ROBO1: variants seen among roughly 807,000 people sequenced by gnomAD.
ROBO1 encodes roundabout guidance receptor 1.
Under a neutral mutation model 195.9 loss-of-function variants are expected in ROBO1, and 149 were observed. The observed-to-expected ratio is 0.76, with a 90% CI of 0.67 to 0.87. The LOEUF (loss-of-function observed/expected upper bound fraction) is 0.87, where lower values mean the gene tolerates loss of function less well. ROBO1 is among the 40% of genes least tolerant of loss of function. ROBO1 has a pLI of 0.00. For synonymous variants in ROBO1, 816 were observed against 733.2 expected, an observed-to-expected ratio of 1.11 and a Z score of -1.82; for missense variants, 1,933 against 2,068.3, an observed-to-expected ratio of 0.93 and a Z score of 1.27.
At chr3:79,333,908 C>T (rs535944597) in intron 2 of ROBO1, among the ~76,000 whole-genome samples, 2 of 152,302 alleles carry the variant, frequency 1.3e-5, no homozygotes, top group East Asian at 1.9e-4. Flanking sequence ...GGCTGCCTAA[C>T]ACATGATAAA....
At chr3:78,960,256 A>G (rs2041267267) in intron 3 of ROBO1, among the ~76,000 whole-genome samples, 1 of 151,834 alleles carries the variant, frequency 6.6e-6, no homozygotes, top group Non-Finnish European at 1.5e-5. Flanking sequence ...AAAAATGAAT[A>G]TCTGCAAATA....
chr3:78,833,920 A>G (rs1463825041), intron 4 of ROBO1, among the ~76,000 whole-genome samples: 2 of 152,176 alleles, frequency 1.3e-5, no homozygotes, highest in African/African-American at 4.8e-5. Context: ...AACAATAACA[A>G]AACAATGGGC....
At chr3:79,088,104 A>T (rs2079407383) in intron 3 of ROBO1, among the ~76,000 whole-genome samples, 1 of 152,122 alleles carries the variant, frequency 6.6e-6, no homozygotes, top group Non-Finnish European at 1.5e-5. Flanking sequence ...TCAATTTCAC[A>T]GTAAATTTGA....
intron 4 of ROBO1, among the ~76,000 whole-genome samples, chr3:78,800,515 A>G (rs532634683): frequency 6.6e-6 from 1 of 152,138 alleles, no homozygotes; most frequent in African/African-American, 2.4e-5. Flanking sequence ...TACTATCCAC[A>G]GTTGTGAAGA....
At chr3:78,905,029 T>A (rs1277380280) in intron 4 of ROBO1, among the ~76,000 whole-genome samples, 2 of 50,760 alleles carry the variant, frequency 3.9e-5, no homozygotes, top group Non-Finnish European at 7.2e-5. Context: ...ATATTTATTA[T>A]GGGGTCTTAT....
chr3:79,408,024 G>A (rs942498297), intron 2 of ROBO1, among the ~76,000 whole-genome samples: 2 of 151,744 alleles, frequency 1.3e-5, no homozygotes, highest in Non-Finnish European at 1.5e-5. Flanking sequence ...TTTTTAATTC[G>A]ATTAAATGTC....
At chr3:79,664,016 T>C (rs1946402803) in intron 1 of ROBO1, among the ~76,000 whole-genome samples, 2 of 151,880 alleles carry the variant, frequency 1.3e-5, no homozygotes, top group African/African-American at 4.8e-5. Flanking sequence ...AAACTTTTAA[T>C]ATACAATTCT....
chr3:79,582,616 T>A (rs1177888938), intron 2 of ROBO1, among the ~76,000 whole-genome samples: 2 of 152,060 alleles, frequency 1.3e-5, no homozygotes, highest in East Asian at 3.9e-4. Flanking sequence ...ACCACTTTTC[T>A]ACTTGAATCA....
chr3:79,708,999 C>T (rs1336319363), intron 1 of ROBO1, among the ~76,000 whole-genome samples: 1 of 151,512 alleles, frequency 6.6e-6, no homozygotes, highest in Non-Finnish European at 1.5e-5. Flanking sequence ...AATTCAATTA[C>T]CAAAAGGGAA....
chr3:79,617,923 A>T (rs1201913046), intron 1 of ROBO1, among the ~76,000 whole-genome samples: 436 of 3,464 alleles, frequency 0.13, 5 homozygotes, highest in African/African-American at 0.32. Flanking sequence ...AGATATATTA[A>T]AAAAAAAAAA....
intron 2 of ROBO1, among the ~76,000 whole-genome samples, chr3:79,510,683 G>A (rs1434514603): frequency 1.3e-5 from 2 of 151,618 alleles, no homozygotes; most frequent in Admixed American, 1.3e-4. Flanking sequence ...TAATTTGGGA[G>A]AAAAAATATG....
intron 1 of ROBO1, among the ~76,000 whole-genome samples, chr3:79,641,206 A>G (rs747019004): frequency 5.9e-5 from 9 of 151,898 alleles, no homozygotes; most frequent in Non-Finnish European, 1.3e-4. Context: ...TTAGACATTT[A>G]TTTTTCCTGC....
At chr3:78,869,888 T>C (rs1396267746) in intron 4 of ROBO1, among the ~76,000 whole-genome samples, 2 of 152,214 alleles carry the variant, frequency 1.3e-5, no homozygotes, top group African/African-American at 2.4e-5. Context: ...GCCTGACACA[T>C]AGTAAGCACT....
At chr3:78,802,620 T>C (rs1179234048) in intron 4 of ROBO1, among the ~76,000 whole-genome samples, 2 of 152,110 alleles carry the variant, frequency 1.3e-5, no homozygotes, top group Non-Finnish European at 2.9e-5. Context: ...TGAGACTACT[T>C]AGTTAATTTT....
chr3:78,620,881 A>ATG lies in ROBO1; in HGVS notation c.3876-2841_3876-2840insCA, dbSNP rs778171914. Among the ~76,000 whole-genome samples the ATG allele has an allele frequency of 1.3e-3, 37 of 27,602 alleles. No individual in the cohort carries two copies. The East Asian group carries it at 0.015, about 11-fold the overall frequency. The allele number at this position is 27,602 out of a possible 152,430, so 18.1% of individuals were successfully genotyped here. ...ATAAGTGTAAATATATTATATATAT[A>ATG]TATGTGTGTGTGTGTGTGTGTGTGT... On this transcript the variant is annotated intron_variant, in intron 26 of 30. Transcript: ENST00000464233.
At chr3:79,675,250 TG>T in intron 1 of ROBO1, among the ~76,000 whole-genome samples, 1 of 152,136 alleles carries the variant, frequency 6.6e-6, no homozygotes, top group East Asian at 1.9e-4. Flanking sequence ...TTTATTTATA[TG>T]TTTGCTTTTG....
intron 28 of ROBO1, among the ~76,000 whole-genome samples, chr3:78,612,400 G>A (rs1189195035): frequency 6.6e-6 from 1 of 151,924 alleles, no homozygotes; most frequent in East Asian, 1.9e-4. Flanking sequence ...TACCAATTGT[G>A]TCTGCCATTG....
Position 79,681,173 on chromosome 3 carries a change from C to A in ROBO1, c.-51+86579G>T, listed in dbSNP as rs59922540. Among the ~76,000 whole-genome samples, 1,352 of 151,992 alleles carry A rather than the reference C, an allele frequency of 8.9e-3. 15 individuals carry two copies. Among genetic ancestry groups the A allele is most frequent in the African/African-American group, 0.031 (1,301 of 41,502 alleles). The stretch of plus-strand genomic sequence containing the variant: ...TAGGAGCTGATATTTTGATAGATAA[C>A]GATGAAGGAGTGGTAGCTGTATGAA... On this transcript the variant is annotated intron_variant, in intron 1 of 30. Transcript: ENST00000464233.
At chr3:79,308,122 A>T (rs1576954018) in intron 2 of ROBO1, among the ~76,000 whole-genome samples, 1 of 152,190 alleles carries the variant, frequency 6.6e-6, no homozygotes, top group Non-Finnish European at 1.5e-5. Flanking sequence ...TTCCTTAAAC[A>T]TGTTACATTA....
Sources: gnomAD v4.1 joint callset for allele counts (sites outside exome capture counted in the v4.1 genomes callset) on GRCh38, gnomAD v4.1.1 for gene constraint, MANE v1.5 for transcripts, NCBI Gene and HGNC (gene_info 2026-07-23, HGNC 2026-07-21) for gene names.